Variants in TMEM67 observed in about 807,000 individuals in gnomAD.
TMEM67 encodes the protein transmembrane protein 67.
A neutral mutation model predicts 136.6 loss-of-function variants in TMEM67; 124 were observed. The observed-to-expected ratio is 0.91, with a 90% confidence interval of 0.78 to 1.05. TMEM67 has a LOEUF of 1.05. Ranked by LOEUF, TMEM67 falls within the 50% of genes least tolerant of loss-of-function variation. The probability of loss-of-function intolerance (pLI) is 0.00; values close to 1 mark genes in which losing one functional copy is unlikely to be tolerated. For missense variants in TMEM67, 1,107 were observed against 1,178.4 expected (o/e 0.94, Z 0.89); for synonymous variants, 364 against 390.5 (o/e 0.93, Z 0.80).
chr8:93,832,407 C>T, the TMEM67 span, among the ~76,000 whole-genome samples: 2 of 152,318 alleles, frequency 1.3e-5, no homozygotes, highest in South Asian at 2.1e-4. Context: ...CTCTACTTTA[C>T]CTACAGAACA....
At position 93,799,745 on chromosome 8, in the gene TMEM67, T is replaced by C. The variant is rs1340320216; in HGVS notation, c.2228T>C (p.Ile743Thr). ...YAVSAALWLA[I>T]GIIQVVFFAV... ...GTGTCTGCTGCTCTTTGGCTAGCCA[T>C]TGGAATTATACAGGTAAGGAATTAT... The change falls in exon 21 of 28, where the codon ATT (isoleucine) becomes ACT (threonine). Residue 743 changes from isoleucine to threonine, a missense_variant. Physicochemically the swap from Ile to Thr is moderately conservative, Grantham distance 89. This residue lies in a region of TMEM67 where 925 missense variants were observed against 1,002.4 expected (regional missense o/e 0.92). Coordinates refer to ENST00000453321, the MANE Select transcript of TMEM67 (RefSeq NM_153704.6). The C allele has an allele frequency of 6.2e-7, 1 of 1,613,542 alleles. No homozygotes were observed.
chr8:93,784,294 T>A (rs1813995557), intron 11 of TMEM67, among the ~76,000 whole-genome samples: 1 of 152,228 alleles, frequency 6.6e-6, no homozygotes, highest in Non-Finnish European at 1.5e-5. Flanking sequence ...CTCAGCATTT[T>A]ATCGTTATTA....
chr8:93,763,777 T>C (rs1812954444), intron 3 of TMEM67, 65 bp from the exon 4 acceptor site: 2 of 1,080,730 alleles, frequency 1.9e-6, no homozygotes, highest in Non-Finnish European at 1.4e-6. Context: ...AAATATTTTC[T>C]GAATATGTAG....
intron 23 of TMEM67, 133 bp from the exon 24 acceptor site, chr8:93,808,707 G>A (rs1441227060): frequency 7.6e-6 from 5 of 656,468 alleles, no homozygotes; most frequent in Non-Finnish European, 1.4e-5. Context: ...CTCAAATACA[G>A]TTTCAGTGAA....
intron 27 of TMEM67, among the ~76,000 whole-genome samples, 174 bp downstream of exon 27, chr8:93,815,621 C>G (rs1586102090): frequency 1.3e-5 from 2 of 152,190 alleles, no homozygotes; most frequent in African/African-American, 4.8e-5. Flanking sequence ...CAACTGTACT[C>G]TGTCCTTTAG....
intron 18 of TMEM67, among the ~76,000 whole-genome samples, chr8:93,796,786 T>G (rs1814639333): frequency 6.6e-6 from 1 of 152,224 alleles, no homozygotes; most frequent in African/African-American, 2.4e-5. Flanking sequence ...AGTCAGCTGA[T>G]CTACAAAACA....
intron 7 of TMEM67, among the ~76,000 whole-genome samples, chr8:93,776,951 G>T (rs188441935): frequency 1.3e-5 from 2 of 152,160 alleles, no homozygotes; most frequent in African/African-American, 4.8e-5. Flanking sequence ...TATACCTCTG[G>T]TAGAATTCGG....
chr8:93,821,098 G>A (rs188690238), downstream of TMEM67, among the ~76,000 whole-genome samples: 3 of 152,174 alleles, frequency 2.0e-5, no homozygotes, highest in African/African-American at 7.2e-5. Flanking sequence ...ATGCAGTGCA[G>A]TAAGGGAAAG....
chr8:93,762,904 T>C (rs1281651968), intron 3 of TMEM67: 3 of 427,518 alleles, frequency 7.0e-6, no homozygotes, highest in Non-Finnish European at 9.3e-6. Context: ...TCTGATGCTC[T>C]GTTAGATTTA....
chr8:93,760,329 A>G (rs936762781), intron 3 of TMEM67, among the ~76,000 whole-genome samples: 2 of 152,184 alleles, frequency 1.3e-5, no homozygotes, highest in Admixed American at 1.3e-4. Flanking sequence ...GGAACTTAAA[A>G]CAGGCAATCA....
intron 26 of TMEM67, among the ~76,000 whole-genome samples, chr8:93,814,925 C>G (rs1034096897): frequency 6.6e-6 from 1 of 152,200 alleles, no homozygotes; most frequent in African/African-American, 2.4e-5. Flanking sequence ...TATGTACTTA[C>G]TCTATGCCTT....
At chr8:93,823,151 C>G (rs1035031093), downstream of TMEM67, among the ~76,000 whole-genome samples, 1 of 152,190 alleles carries the variant, frequency 6.6e-6, no homozygotes, top group African/African-American at 2.4e-5. Context: ...TATCATCTTA[C>G]AATTCTGGGT....
chr8:93,777,143 G>C (rs376461066), intron 7 of TMEM67, among the ~76,000 whole-genome samples: 1 of 152,164 alleles, frequency 6.6e-6, no homozygotes, highest in Non-Finnish European at 1.5e-5. Context: ...TTGTATAGAG[G>C]TGTTTATAGT....
At chr8:93,808,550 A>AGATATTTT (rs1808557001) in intron 23 of TMEM67, among the ~76,000 whole-genome samples, 1 of 3,742 alleles carries the variant, frequency 2.7e-4, no homozygotes, top group Non-Finnish European at 8.2e-4. Flanking sequence ...ATCTATATAT[A>AGATATTTT]TCTATAATAT....
rs149904256 is a variant in TMEM67, at chr8:93,794,218, T to C, written c.1674+922T>C. ...AACTTTTGGTTTTGATATCATCATA[T>C]CTGAATATTTTTTTTCATGTTATGA... On this transcript the variant is annotated intron_variant, in intron 16 of 27. Transcript: ENST00000453321. 2.6e-5 allele frequency among the ~76,000 whole-genome samples: 4 copies of C among 152,300 alleles called. No individual in the cohort carries two copies. The East Asian group carries it at 7.7e-4, about 29-fold the overall frequency.
intron 23 of TMEM67, among the ~76,000 whole-genome samples, chr8:93,805,740 T>C (rs1391259351): frequency 6.6e-6 from 1 of 152,180 alleles, no homozygotes; most frequent in East Asian, 1.9e-4. Context: ...TAGAAGAAAG[T>C]AGAAGGAATT....
At chr8:93,759,974 CA>C (rs1812753122) in intron 3 of TMEM67, 1 of 1,529,268 alleles carries the variant, frequency 6.5e-7, no homozygotes, top group Non-Finnish European at 8.8e-7. Flanking sequence ...AAGGAATGTA[CA>C]ACATAATTGA....
intron 3 of TMEM67, among the ~76,000 whole-genome samples, chr8:93,762,321 AT>A (rs1259187240): frequency 6.6e-6 from 1 of 151,402 alleles, no homozygotes. Flanking sequence ...CCAAAGATTA[AT>A]TTTTTAATTA....
chr8:93,774,778 G>A (rs1165016800), intron 7 of TMEM67, among the ~76,000 whole-genome samples: 1 of 152,150 alleles, frequency 6.6e-6, no homozygotes, highest in African/African-American at 2.4e-5. Context: ...ATTTGGGTTG[G>A]TTCCAAGTCT....
Sources: gnomAD v4.1 joint callset for allele counts (sites outside exome capture counted in the v4.1 genomes callset) on GRCh38, gnomAD v4.1.1 for gene constraint, gnomAD v4.1.1 regional missense constraint, MANE v1.5 for transcripts, NCBI Gene and HGNC (gene_info 2026-07-23, HGNC 2026-07-21) for gene names.